Variants in ME3 observed in about 807,000 individuals in gnomAD.
ME3 encodes the protein NADP-dependent malic enzyme, mitochondrial.
ME3 carries 48 observed loss-of-function variants against 68.9 expected under a neutral mutation model. That is an observed-to-expected ratio of 0.70 (90% CI 0.55 to 0.89). The LOEUF (loss-of-function observed/expected upper bound fraction) is 0.89, where lower values mean the gene tolerates loss of function less well. Ranked by LOEUF, ME3 falls within the 40% of genes least tolerant of loss-of-function variation. ME3 has a pLI of 0.00. For synonymous variants in ME3, 320 were observed against 318.8 expected (o/e 1.00, Z -0.04); for missense variants, 675 against 797.4 (o/e 0.85, Z 1.85).
At chr11:86,582,426 AC>A (rs1393724782) in intron 2 of ME3, among the ~76,000 whole-genome samples, 1 of 152,172 alleles carries the variant, frequency 6.6e-6, no homozygotes, top group Non-Finnish European at 1.5e-5. Context: ...TTTTACCTGC[AC>A]CCCTGGTGAT....
chr11:86,612,153 A>G (rs1025068448), intron 2 of ME3, among the ~76,000 whole-genome samples: 1 of 152,188 alleles, frequency 6.6e-6, no homozygotes, highest in Non-Finnish European at 1.5e-5. Flanking sequence ...ATGAGTGAGA[A>G]CATGTGGTGT....
intron 8 of ME3, chr11:86,457,270 A>G (rs79253379): frequency 0.039 from 6,111 of 157,080 alleles, 180 homozygotes; most frequent in African/African-American, 0.087. Flanking sequence ...TCTCCTTTAT[A>G]GGCAAACTCT....
At chr11:86,635,043 A>G (rs1944247285) in intron 2 of ME3, among the ~76,000 whole-genome samples, 1 of 152,210 alleles carries the variant, frequency 6.6e-6, no homozygotes, top group Admixed American at 6.5e-5. Flanking sequence ...GCTGGTTCAC[A>G]CCTGTAATCC....
intron 7 of ME3, among the ~76,000 whole-genome samples, chr11:86,472,325 G>A (rs918079188): frequency 1.3e-5 from 2 of 152,194 alleles, no homozygotes; most frequent in African/African-American, 4.8e-5. Flanking sequence ...GGGCAAGGGG[G>A]ACCCACTGAG....
chr11:86,600,513 A>G (rs1443437437), intron 2 of ME3, among the ~76,000 whole-genome samples: 1 of 150,076 alleles, frequency 6.7e-6, no homozygotes, highest in East Asian at 2.1e-4. Context: ...GGAGACTTTA[A>G]CACCCCACTG....
At chr11:86,564,672 C>T (rs1250216339) in intron 2 of ME3, among the ~76,000 whole-genome samples, 1 of 152,006 alleles carries the variant, frequency 6.6e-6, no homozygotes, top group Non-Finnish European at 1.5e-5. Context: ...AAATTGGACC[C>T]CTAACTCACA....
At chr11:86,587,516 G>A (rs1565175812) in intron 2 of ME3, among the ~76,000 whole-genome samples, 1 of 152,172 alleles carries the variant, frequency 6.6e-6, no homozygotes, top group Non-Finnish European at 1.5e-5. Flanking sequence ...CCAACCCTCT[G>A]GGTAAATTTT....
chr11:86,448,067 C>T, intron 11 of ME3, 83 bp downstream of exon 11: 1 of 959,726 alleles, frequency 1.0e-6, no homozygotes, highest in Non-Finnish European at 1.6e-6. Context: ...GTTACTTAGG[C>T]TTCCTAGCTG....
chr11:86,670,349 C>G (rs1946842933), intron 2 of ME3, among the ~76,000 whole-genome samples: 2 of 152,178 alleles, frequency 1.3e-5, no homozygotes, highest in African/African-American at 4.8e-5. Flanking sequence ...TGCAGAGAGG[C>G]AGAGTAGAGA....
chr11:86,524,042 A>G (rs1018169815), intron 4 of ME3, among the ~76,000 whole-genome samples: 1 of 152,226 alleles, frequency 6.6e-6, no homozygotes. Flanking sequence ...AGAAATAATA[A>G]TCAGAGGCTT....
At chr11:86,653,656 A>G (rs953123164) in intron 2 of ME3, among the ~76,000 whole-genome samples, 8 of 152,312 alleles carry the variant, frequency 5.3e-5, no homozygotes, top group African/African-American at 1.9e-4. Flanking sequence ...AAGATCTACA[A>G]TTGACACCCT....
intron 13 of ME3, 139 bp downstream of exon 13, chr11:86,446,175 C>G (rs1949274205): frequency 1.0e-6 from 1 of 957,048 alleles, no homozygotes; most frequent in Non-Finnish European, 1.6e-6. Flanking sequence ...ATGAGAGATG[C>G]TTGAGGTTTA....
At chr11:86,613,902 T>G (rs1333212221) in intron 2 of ME3, among the ~76,000 whole-genome samples, 1 of 152,158 alleles carries the variant, frequency 6.6e-6, no homozygotes, top group African/African-American at 2.4e-5. Flanking sequence ...CCTAAAGTAA[T>G]TCATGGATTC....
At chr11:86,625,201 C>T (rs766029768) in intron 2 of ME3, among the ~76,000 whole-genome samples, 1 of 152,042 alleles carries the variant, frequency 6.6e-6, no homozygotes, top group African/African-American at 2.4e-5. Context: ...CAGACAGTAA[C>T]TATCGTTAAC....
At position 86,590,087 on chromosome 11, in the gene ME3, C is replaced by G. The variant is rs562343605; in HGVS notation, c.184-30264G>C. On this transcript the variant is annotated intron_variant, in intron 2 of 14. Coordinates refer to ENST00000543262, the Ensembl canonical transcript of ME3. ...GGGAAGAGACTTGGCCCACGGAGGACTAAAGCGTTGCCACAGATGAGTTGG... is the reference window on the plus strand; with the variant it reads ...GGGAAGAGACTTGGCCCACGGAGGAGTAAAGCGTTGCCACAGATGAGTTGG... Among the ~76,000 whole-genome samples the G allele has an allele frequency of 1.1e-4, 16 of 152,300 alleles. 1 individual carries two copies. The highest frequency in any genetic ancestry group is 7.2e-4 in the Admixed American group (11 of 15,302).
At chr11:86,639,254 G>A (rs537053733) in intron 2 of ME3, among the ~76,000 whole-genome samples, 1 of 152,304 alleles carries the variant, frequency 6.6e-6, no homozygotes, top group South Asian at 2.1e-4. Context: ...TCCTTTAGCA[G>A]ATTTATTCAA....
At chr11:86,567,329 T>C (rs1410876402) in intron 2 of ME3, among the ~76,000 whole-genome samples, 1 of 152,150 alleles carries the variant, frequency 6.6e-6, no homozygotes, top group South Asian at 2.1e-4. Flanking sequence ...CCCAATTTCC[T>C]CTTTATTTTG....
chr11:86,622,034 G>A (rs948330480), intron 2 of ME3, among the ~76,000 whole-genome samples: 2 of 151,938 alleles, frequency 1.3e-5, no homozygotes, highest in Admixed American at 6.6e-5. Context: ...GTATTGGGTA[G>A]CCTCATCAGG....
chr11:86,572,977 T>C (rs1957888322), intron 2 of ME3, among the ~76,000 whole-genome samples: 1 of 152,238 alleles, frequency 6.6e-6, no homozygotes, highest in Non-Finnish European at 1.5e-5. Context: ...CCATTCTGAC[T>C]GGCATGAGAT....
Sources: gnomAD v4.1 joint callset for allele counts (sites outside exome capture counted in the v4.1 genomes callset) on GRCh38, gnomAD v4.1.1 for gene constraint, MANE v1.5 for transcripts, NCBI Gene and HGNC (gene_info 2026-07-23, HGNC 2026-07-21) for gene names.